Variants in ERC2 observed in about 807,000 individuals in gnomAD.
ERC2 encodes the protein ELKS/RAB6-interacting/CAST family member 2, also known as ERC protein 2.
In ERC2, 42 loss-of-function variants were observed where a neutral mutation model predicts 114.8. The observed-to-expected ratio is 0.37, with a 90% CI of 0.29 to 0.47. The LOEUF (loss-of-function observed/expected upper bound fraction) is 0.47, where lower values mean the gene tolerates loss of function less well. ERC2 is among the 20% of genes least tolerant of loss of function. The probability of loss-of-function intolerance (pLI) is 0.99; values close to 1 mark genes in which losing one functional copy is unlikely to be tolerated. For missense variants in ERC2, 939 were observed against 1,150.7 expected (o/e 0.82, Z 2.66); for synonymous variants, 454 against 425.5 (o/e 1.07, Z -0.82).
intron 17 of ERC2, among the ~76,000 whole-genome samples, chr3:55,637,454 G>A (rs2060004363): frequency 1.3e-5 from 2 of 152,134 alleles, no homozygotes; most frequent in African/African-American, 4.8e-5. Context: ...AGGGAGAAGT[G>A]GAGTTCAGAA....
intron 2 of ERC2, among the ~76,000 whole-genome samples, chr3:56,398,434 C>T (rs1222490881): frequency 1.3e-5 from 2 of 152,044 alleles, no homozygotes; most frequent in African/African-American, 4.8e-5. Context: ...TTCAGATAAA[C>T]AACAAATAAT....
chr3:55,876,755 T>C (rs1283868814), intron 14 of ERC2, among the ~76,000 whole-genome samples: 1 of 152,184 alleles, frequency 6.6e-6, no homozygotes, highest in Non-Finnish European at 1.5e-5. Flanking sequence ...CAGGCATTGA[T>C]GGAACAGGTC....
intron 6 of ERC2, 57 bp from the exon 7 acceptor site, chr3:56,081,041 A>G: frequency 1.9e-6 from 3 of 1,578,614 alleles, no homozygotes; most frequent in East Asian, 2.3e-5. Flanking sequence ...ATCAATAACC[A>G]TCAATTGTGC....
chr3:55,924,798 C>T (rs185547399), intron 13 of ERC2, among the ~76,000 whole-genome samples: 42 of 152,248 alleles, frequency 2.8e-4, no homozygotes, highest in Non-Finnish European at 4.9e-4. Context: ...TCAATTTCTA[C>T]CCACCCACAG....
intron 17 of ERC2, among the ~76,000 whole-genome samples, chr3:55,679,455 C>T (rs952810853): frequency 5.3e-5 from 8 of 152,180 alleles, no homozygotes; most frequent in South Asian, 2.1e-4. Context: ...ATGACCAAAA[C>T]GTGCAAGGTT....
At chr3:56,255,956 G>C (rs1413310238) in intron 3 of ERC2, among the ~76,000 whole-genome samples, 1 of 152,158 alleles carries the variant, frequency 6.6e-6, no homozygotes, top group Non-Finnish European at 1.5e-5. Context: ...CCAGGTACAT[G>C]GTAAGCTCAT....
chr3:56,405,485 G>T (rs1434402492), intron 2 of ERC2, among the ~76,000 whole-genome samples: 1 of 151,784 alleles, frequency 6.6e-6, no homozygotes, highest in Admixed American at 6.6e-5. Flanking sequence ...CCTGATCAAA[G>T]TCAATGTTCA....
At chr3:55,567,133 A>G (rs1698057749) in intron 17 of ERC2, among the ~76,000 whole-genome samples, 3 of 152,226 alleles carry the variant, frequency 2.0e-5, no homozygotes, top group African/African-American at 2.4e-5. Flanking sequence ...CAATATACAA[A>G]TATGCAAACA....
chr3:55,588,793 G>C (rs2057723105), intron 17 of ERC2, among the ~76,000 whole-genome samples: 1 of 152,124 alleles, frequency 6.6e-6, no homozygotes, highest in South Asian at 2.1e-4. Context: ...CTGGATCTGG[G>C]CTCCAATGCT....
chr3:55,888,612 T>C, intron 13 of ERC2, 63 bp from the exon 14 acceptor site: 2 of 1,583,554 alleles, frequency 1.3e-6, no homozygotes, highest in Non-Finnish European at 1.7e-6. Flanking sequence ...ACATCCCTTG[T>C]TAGCCTGTGT....
chr3:55,753,502 G>A (rs2066855060), intron 14 of ERC2, among the ~76,000 whole-genome samples: 1 of 152,198 alleles, frequency 6.6e-6, no homozygotes, highest in Non-Finnish European at 1.5e-5. Context: ...TCACAAAGCT[G>A]TGGCCCCCTG....
At chr3:56,054,448 T>A (rs746275563) in intron 7 of ERC2, among the ~76,000 whole-genome samples, 1 of 152,228 alleles carries the variant, frequency 6.6e-6, no homozygotes, top group Non-Finnish European at 1.5e-5. Context: ...TACAGCTATA[T>A]TACTGAATAA....
intron 3 of ERC2, among the ~76,000 whole-genome samples, chr3:56,174,189 C>T (rs1037090495): frequency 6.6e-6 from 1 of 152,100 alleles, no homozygotes; most frequent in Non-Finnish European, 1.5e-5. Flanking sequence ...CCCAAAAACC[C>T]CTGGAACGAT....
intron 17 of ERC2, among the ~76,000 whole-genome samples, chr3:55,539,411 CTTTCTTTTTTTTTT>C (rs2054225951): frequency 2.0e-5 from 1 of 49,070 alleles, no homozygotes; most frequent in African/African-American, 5.9e-5. Flanking sequence ...CTCTTTTTTT[CTTTCTTTTTTTTTT>C]TTTTTTTTTT....
chr3:55,799,314 T>C (rs531843685), intron 14 of ERC2, among the ~76,000 whole-genome samples: 3 of 151,036 alleles, frequency 2.0e-5, no homozygotes, highest in Non-Finnish European at 4.4e-5. Flanking sequence ...ACATTGTGTG[T>C]GTAGATTTTC....
At chr3:55,533,231 C>A (rs2053779071) in intron 17 of ERC2, among the ~76,000 whole-genome samples, 1 of 152,158 alleles carries the variant, frequency 6.6e-6, no homozygotes, top group South Asian at 2.1e-4. Context: ...GTGGCAGAGG[C>A]CTCCTGGCAA....
At chr3:56,065,075 C>T (rs1436910610) in intron 7 of ERC2, among the ~76,000 whole-genome samples, 1 of 152,098 alleles carries the variant, frequency 6.6e-6, no homozygotes, top group African/African-American at 2.4e-5. Context: ...CATAAAGATA[C>T]AACATAGCAT....
rs575713268 is a variant in ERC2 at position 55,703,194 on chromosome 3, T to C, written c.2713-3682A>G. Among the ~76,000 whole-genome samples the C allele has an allele frequency of 1.3e-4, 20 of 152,268 alleles. No individual in the cohort carries two copies. The South Asian group carries it at 3.5e-3, about 27-fold the overall frequency. ...GTGACATCAGATTTCTGTTCCTCCCTGGATTCAAGTTCTTGGGAGGCTCCC... is the reference window on the plus strand; with the variant it reads ...GTGACATCAGATTTCTGTTCCTCCCCGGATTCAAGTTCTTGGGAGGCTCCC... On this transcript the variant is annotated intron_variant, in intron 15 of 17. Coordinates refer to ENST00000288221, the MANE Select transcript of ERC2 (RefSeq NM_015576.3).
chr3:56,147,448 T>C (rs2081199621), intron 5 of ERC2, among the ~76,000 whole-genome samples: 1 of 152,204 alleles, frequency 6.6e-6, no homozygotes, highest in African/African-American at 2.4e-5. Context: ...TTGTGTTTTT[T>C]CCTTGTGTAT....
Sources: allele counts gnomAD v4.1 joint callset (sites outside exome capture counted in the v4.1 genomes callset), GRCh38; gene constraint gnomAD v4.1.1; transcripts MANE v1.5; gene names NCBI Gene and HGNC (gene_info 2026-07-23, HGNC 2026-07-21).